The following CCDC7 variants were observed in gnomAD, a reference collection of about 807,000 sequenced individuals.
The protein encoded by CCDC7 is coiled-coil domain-containing protein 7.
CCDC7 carries 183 observed loss-of-function variants against 196.9 expected under a neutral mutation model. That is an observed-to-expected ratio of 0.93 (90% CI 0.82 to 1.05). CCDC7 has a LOEUF of 1.05. Among genes scored for constraint, CCDC7 ranks in the 50% least tolerant of loss-of-function variants. CCDC7 has a pLI of 0.00. For missense variants in CCDC7, 1,540 were observed against 1,482.2 expected, an observed-to-expected ratio of 1.04 and a Z score of -0.64; for synonymous variants, 525 against 484.6, an observed-to-expected ratio of 1.08 and a Z score of -1.10.
intron 18 of CCDC7, among the ~76,000 whole-genome samples, chr10:32,594,002 T>G (rs1458458492): frequency 6.6e-6 from 1 of 152,230 alleles, no homozygotes; most frequent in Non-Finnish European, 1.5e-5. Flanking sequence ...AGCTTTGTTC[T>G]TTTGGCTTAG....
intron 8 of CCDC7, among the ~76,000 whole-genome samples, chr10:32,486,220 C>T (rs185491744): frequency 0.041 from 6,168 of 152,182 alleles, 193 homozygotes; most frequent in Middle Eastern, 0.082. Context: ...GTTAGCTCTT[C>T]TTGTTGAATT....
At chr10:32,449,103 T>A (rs774408301), upstream of CCDC7, among the ~76,000 whole-genome samples, 27 of 152,166 alleles carry the variant, frequency 1.8e-4, no homozygotes, top group Non-Finnish European at 2.9e-5. Flanking sequence ...ATGGCTGATA[T>A]TCTCTTTCTG....
At chr10:32,708,344 G>A (rs1216011704) in intron 24 of CCDC7, among the ~76,000 whole-genome samples, 1 of 152,164 alleles carries the variant, frequency 6.6e-6, no homozygotes. Flanking sequence ...AGACTTAAAT[G>A]TTAGACCTAA....
intron 28 of CCDC7, among the ~76,000 whole-genome samples, chr10:32,739,695 G>T (rs2085483745): frequency 6.7e-6 from 1 of 150,356 alleles, no homozygotes. Flanking sequence ...AATTTTTGTT[G>T]TTGTTGTTGA....
intron 25 of CCDC7, among the ~76,000 whole-genome samples, chr10:32,722,511 C>T (rs1237344440): frequency 2.0e-5 from 3 of 152,106 alleles, no homozygotes; most frequent in Non-Finnish European, 4.4e-5. Flanking sequence ...CATGCCTCTG[C>T]CTGAGCTCCT....
exon 27 of CCDC7, chr10:32,728,929 A>G (rs1318773960): frequency 9.3e-6 from 15 of 1,609,812 alleles, no homozygotes; most frequent in Non-Finnish European, 1.2e-5. Context: ...TCTGTTCATC[A>G]AGATTCAAAG....
At chr10:32,790,153 A>C (rs2082465502) in intron 29 of CCDC7, among the ~76,000 whole-genome samples, 2 of 151,954 alleles carry the variant, frequency 1.3e-5, no homozygotes, top group African/African-American at 4.8e-5. Flanking sequence ...CAGTTTTGAA[A>C]TCTCATGGCC....
chr10:32,644,907 TG>T (rs1220280792), intron 20 of CCDC7, among the ~76,000 whole-genome samples: 4 of 152,226 alleles, frequency 2.6e-5, no homozygotes, highest in African/African-American at 9.6e-5. Context: ...CGAATACAAC[TG>T]GATAGTATTC....
intron 41 of CCDC7, among the ~76,000 whole-genome samples, chr10:32,861,932 A>G (rs2094002627): frequency 6.6e-6 from 1 of 152,148 alleles, no homozygotes; most frequent in African/African-American, 2.4e-5. Flanking sequence ...GCTGGAGGGG[A>G]TGTGGAGAAA....
At chr10:32,555,345 A>G (rs1379673769) in intron 13 of CCDC7, among the ~76,000 whole-genome samples, 1 of 151,708 alleles carries the variant, frequency 6.6e-6, no homozygotes, top group African/African-American at 2.4e-5. Context: ...TCCTGGGTTC[A>G]AGTGATTCTC....
intron 21 of CCDC7, among the ~76,000 whole-genome samples, chr10:32,677,897 T>G (rs1337252939): frequency 6.6e-6 from 1 of 152,122 alleles, no homozygotes; most frequent in Admixed American, 6.5e-5. Flanking sequence ...CTCTTTTTCA[T>G]TATTTTTATT....
intron 24 of CCDC7, among the ~76,000 whole-genome samples, chr10:32,710,659 G>A (rs1401725001): frequency 6.6e-6 from 1 of 152,176 alleles, no homozygotes. Context: ...CCATGGGACA[G>A]TCAGACTCTT....
chr10:32,788,984 C>T (rs892897408), intron 29 of CCDC7, among the ~76,000 whole-genome samples: 8 of 152,172 alleles, frequency 5.3e-5, no homozygotes, highest in Admixed American at 2.0e-4. Flanking sequence ...ACCCACCTGC[C>T]TTCTCATCCA....
At chr10:32,673,478 C>T (rs1238896111) in intron 21 of CCDC7, among the ~76,000 whole-genome samples, 2 of 151,882 alleles carry the variant, frequency 1.3e-5, no homozygotes, top group Non-Finnish European at 2.9e-5. Flanking sequence ...AGCCTTTTGC[C>T]TTTCGAATAA....
intron 20 of CCDC7, among the ~76,000 whole-genome samples, chr10:32,656,355 C>T (rs1193568126): frequency 6.6e-6 from 1 of 152,118 alleles, no homozygotes; most frequent in Non-Finnish European, 1.5e-5. Context: ...CTGTGTTAGT[C>T]CATTCTTATG....
At chr10:32,781,856 A>C (rs2081117490) in intron 29 of CCDC7, among the ~76,000 whole-genome samples, 2 of 152,246 alleles carry the variant, frequency 1.3e-5, no homozygotes, top group African/African-American at 4.8e-5. Context: ...CCAAACTGGA[A>C]AGGAAGAAAT....
chr10:32,500,097 G>A lies in CCDC7; in HGVS notation c.872+8100G>A, dbSNP rs575317570. 6.0e-3 allele frequency among the ~76,000 whole-genome samples: 917 copies of A among 152,262 alleles called. 9 individuals carry two copies. Among genetic ancestry groups the A allele is most frequent in the African/African-American group, 0.021 (872 of 41,556 alleles). The stretch of plus-strand genomic sequence containing the variant: ...AAAACCGCCACTGTCATCATGGCCC[G>A]TTCTCCATGAGCTGTTGGGTACACC... On this transcript the variant is annotated intron_variant, in intron 9 of 41. Coordinates refer to ENST00000639629, the Ensembl canonical transcript of CCDC7.
At chr10:32,568,619 T>C (rs1336417502) in intron 15 of CCDC7, among the ~76,000 whole-genome samples, 1 of 152,140 alleles carries the variant, frequency 6.6e-6, no homozygotes. Context: ...TAAAGAAATA[T>C]AGGATTGTCT....
intron 30 of CCDC7, among the ~76,000 whole-genome samples, chr10:32,811,960 A>G (rs2087238497): frequency 6.6e-6 from 1 of 152,094 alleles, no homozygotes; most frequent in Non-Finnish European, 1.5e-5. Context: ...AGAAGGACAA[A>G]ACCATATAAT....
Sources: allele counts gnomAD v4.1 joint callset (sites outside exome capture counted in the v4.1 genomes callset), GRCh38; gene constraint gnomAD v4.1.1; transcripts MANE v1.5; gene names NCBI Gene and HGNC (gene_info 2026-07-23, HGNC 2026-07-21).